Variants in ATF7 observed in about 807,000 individuals in gnomAD.
The protein encoded by ATF7 is activating transcription factor 7, also known as cyclic AMP-dependent transcription factor ATF-7.
A neutral mutation model predicts 50.4 loss-of-function variants in ATF7; 10 were observed. The ratio of observed to expected loss-of-function variants is 0.20; its 90% confidence interval spans 0.12 to 0.34. ATF7 has a LOEUF of 0.34. Among genes scored for constraint, ATF7 ranks in the 10% least tolerant of loss-of-function variants. The pLI is 1.00. For missense variants in ATF7, 465 were observed against 613.9 expected, an observed-to-expected ratio of 0.76 and a Z score of 2.56; for synonymous variants, 201 against 226.4, an observed-to-expected ratio of 0.89 and a Z score of 1.01.
intron 5 of ATF7, among the ~76,000 whole-genome samples, chr12:53,535,750 C>T (rs1592810637): frequency 6.6e-6 from 1 of 152,084 alleles, no homozygotes; most frequent in South Asian, 2.1e-4. Flanking sequence ...TCTAGGATGA[C>T]ATTTTTTCGA....
intron 4 of ATF7, among the ~76,000 whole-genome samples, chr12:53,541,993 TG>T (rs1939580106): frequency 6.6e-6 from 1 of 152,114 alleles, no homozygotes; most frequent in Non-Finnish European, 1.5e-5. Context: ...GGCTAAGTTT[TG>T]TATTTTTAGT....
intron 2 of ATF7, among the ~76,000 whole-genome samples, chr12:53,560,274 G>A (rs528656401): frequency 6.6e-6 from 1 of 151,806 alleles, no homozygotes; most frequent in South Asian, 2.1e-4. Flanking sequence ...GTAAAAAAGT[G>A]ACTTTTTTTT....
Position 53,532,551 on chromosome 12 carries a change from T to C in ATF7, c.733A>G (p.Ile245Val). 1 of 1,606,202 alleles carries C rather than the reference T, an allele frequency of 6.2e-7. No homozygotes were observed. Residue 245 changes from isoleucine to valine, a missense_variant, in exon 8 of 12, where the codon ATT becomes GTT. Ile to Val is a conservative substitution (Grantham distance 29). Coordinates refer to ENST00000420353, the MANE Select transcript of ATF7 (RefSeq NM_006856.3). Reference sequence around the variant, plus strand: ...GGTATAGGGTGGCCAGAGGGAGAAATGGAGCCACTACTGTTAACTGGTGGG... The same window carrying C: ...GGTATAGGGTGGCCAGAGGGAGAAACGGAGCCACTACTGTTAACTGGTGGG... Reference protein sequence around the residue: ...PGPPVNSSGSISPSGHPIPSE... With the variant: ...PGPPVNSSGSVSPSGHPIPSE...
chr12:53,517,981 C>T (rs1300805921), intron 11 of ATF7, among the ~76,000 whole-genome samples: 1 of 152,196 alleles, frequency 6.6e-6, no homozygotes, highest in Non-Finnish European at 1.5e-5. Context: ...TCTCGTGCCT[C>T]AGCCTTCCGA....
chr12:53,509,957 G>T (rs1944099661), downstream of ATF7, among the ~76,000 whole-genome samples: 1 of 152,078 alleles, frequency 6.6e-6, no homozygotes, highest in African/African-American at 2.4e-5. Flanking sequence ...ACTAAGCCAG[G>T]GTAAACCTTT....
chr12:53,546,998 T>TTTTC (rs1565940824), intron 3 of ATF7, among the ~76,000 whole-genome samples: 1 of 142,352 alleles, frequency 7.0e-6, no homozygotes, highest in Non-Finnish European at 1.5e-5. Context: ...TTTTTTTTTT[T>TTTTC]CCTTGAGACA....
chr12:53,565,821 T>C (rs962195161), intron 2 of ATF7, among the ~76,000 whole-genome samples: 8 of 152,172 alleles, frequency 5.3e-5, no homozygotes, highest in East Asian at 1.9e-4. Flanking sequence ...TACTCTCTTA[T>C]GACTTTTTTC....
At chr12:53,539,729 T>A (rs1375169177) in intron 4 of ATF7, among the ~76,000 whole-genome samples, 1 of 124,138 alleles carries the variant, frequency 8.1e-6, no homozygotes, top group African/African-American at 3.1e-5. Flanking sequence ...AATGAATGAA[T>A]GAAAAAAAAT....
chr12:53,538,979 G>A (rs913381047), intron 4 of ATF7, among the ~76,000 whole-genome samples: 1 of 152,236 alleles, frequency 6.6e-6, no homozygotes, highest in African/African-American at 2.4e-5. Flanking sequence ...AAGCCTCTAA[G>A]TAAATACAAC....
intron 4 of ATF7, among the ~76,000 whole-genome samples, chr12:53,539,686 CAATGAATGAATG>C (rs144445994): frequency 0.042 from 6,190 of 148,386 alleles, 351 homozygotes; most frequent in African/African-American, 0.13. Context: ...AAGATCCTGT[CAATGAATGAATG>C]AATGAATGAA....
intron 2 of ATF7, among the ~76,000 whole-genome samples, chr12:53,585,880 G>A (rs576512614): frequency 2.0e-5 from 3 of 152,058 alleles, no homozygotes; most frequent in Non-Finnish European, 4.4e-5. Context: ...CTGACAAGCC[G>A]ATTACTGTCT....
intron 5 of ATF7, among the ~76,000 whole-genome samples, chr12:53,536,087 A>G (rs1939203727): frequency 6.6e-6 from 1 of 152,118 alleles, no homozygotes; most frequent in Non-Finnish European, 1.5e-5. Context: ...CCAGCACCCC[A>G]GAAAGTTCTA....
intron 2 of ATF7, among the ~76,000 whole-genome samples, chr12:53,553,021 A>T (rs774635582): frequency 2.6e-5 from 4 of 152,220 alleles, no homozygotes; most frequent in Admixed American, 2.0e-4. Flanking sequence ...CTAGTTGGCC[A>T]TCACAAAAAT....
At chr12:53,540,434 AG>A (rs1221402788) in intron 4 of ATF7, among the ~76,000 whole-genome samples, 1 of 151,952 alleles carries the variant, frequency 6.6e-6, no homozygotes, top group Admixed American at 6.6e-5. Context: ...ATTTAAAGAC[AG>A]GGTCTGGGCC....
Position 53,539,559 on chromosome 12 carries a change from C to T in ATF7, c.265-2007G>A, listed in dbSNP as rs568087418. On this transcript the variant is annotated intron_variant, in intron 4 of 11. Coordinates refer to ENST00000420353, the MANE Select transcript of ATF7 (RefSeq NM_006856.3). ...AATAAATTAGTCAGGCATGGTGGTACGCGCCTGTAGTCCCAGCTACTTGGG... is the reference window on the plus strand; with the variant it reads ...AATAAATTAGTCAGGCATGGTGGTATGCGCCTGTAGTCCCAGCTACTTGGG... Among the ~76,000 whole-genome samples the T allele has an allele frequency of 7.2e-5, 11 of 152,008 alleles. No homozygotes were observed. In the South Asian group the frequency reaches 8.3e-4, roughly 12 times the overall value.
intron 2 of ATF7, among the ~76,000 whole-genome samples, chr12:53,578,699 G>T (rs972015558): frequency 5.9e-5 from 9 of 151,368 alleles, no homozygotes; most frequent in Non-Finnish European, 1.3e-4. Flanking sequence ...TGGGAGGATT[G>T]CTGGAGCCAG....
rs1428676974 is a variant in ATF7, at chr12:53,534,645, C to T, written c.417G>A (p.Lys139=). 1 of 1,611,534 alleles carries T rather than the reference C, an allele frequency of 6.2e-7. No homozygotes were observed. Among genetic ancestry groups the T allele is most frequent in the South Asian group, 1.1e-5 (1 of 90,664 alleles). The part of the protein sequence containing the change: ...PPLKEKEVTP[K]PVLISTPTPT... ...GTGTGGGGGTAGAGATCAGAACAGG[C>T]TTTGGGGTAACCTCCTGGAGAAAAG... Residue 139 remains lysine, a synonymous_variant, in exon 6 of 12, where the codon AAG becomes AAA. Transcript: ENST00000420353.
At chr12:53,545,268 A>G (rs1939827738) in intron 3 of ATF7, among the ~76,000 whole-genome samples, 1 of 152,138 alleles carries the variant, frequency 6.6e-6, no homozygotes, top group South Asian at 2.1e-4. Flanking sequence ...CTGCAAATAT[A>G]TCAGAGAACC....
At chr12:53,525,024 G>A in intron 9 of ATF7, 1 of 383,814 alleles carries the variant, frequency 2.6e-6, no homozygotes, top group Non-Finnish European at 4.6e-6. Flanking sequence ...AAGACAGACA[G>A]ACAAATGAAA....
Sources: gnomAD v4.1 joint callset for allele counts (sites outside exome capture counted in the v4.1 genomes callset) on GRCh38, gnomAD v4.1.1 for gene constraint, MANE v1.5 for transcripts, NCBI Gene and HGNC (gene_info 2026-07-23, HGNC 2026-07-21) for gene names.